Variants in NKAIN2 observed in about 807,000 individuals in gnomAD.
The protein encoded by NKAIN2 is sodium/potassium transporting ATPase interacting 2.
Under a neutral mutation model 32.6 loss-of-function variants are expected in NKAIN2, and 14 were observed. That is an observed-to-expected ratio of 0.43 (90% CI 0.28 to 0.67). The LOEUF (loss-of-function observed/expected upper bound fraction) is 0.67. NKAIN2 is among the 30% of genes least tolerant of loss of function. NKAIN2 has a pLI of 0.17. For missense variants in NKAIN2, 198 were observed against 258.3 expected, an observed-to-expected ratio of 0.77 and a Z score of 1.60; for synonymous variants, 80 against 87.2, an observed-to-expected ratio of 0.92 and a Z score of 0.46.
chr6:124,406,204 A>C (rs936984990), intron 3 of NKAIN2, among the ~76,000 whole-genome samples: 1 of 152,088 alleles, frequency 6.6e-6, no homozygotes, highest in African/African-American at 2.4e-5. Flanking sequence ...ATTTCTACAT[A>C]TGCCTTTATA....
At chr6:124,449,796 G>T (rs1194463792) in intron 3 of NKAIN2, among the ~76,000 whole-genome samples, 1 of 152,094 alleles carries the variant, frequency 6.6e-6, no homozygotes, top group African/African-American at 2.4e-5. Context: ...AGTCGTGATG[G>T]TTTGGAATAC....
intron 3 of NKAIN2, among the ~76,000 whole-genome samples, chr6:124,407,227 G>T (rs999865626): frequency 1.3e-4 from 19 of 151,702 alleles, no homozygotes; most frequent in Admixed American, 2.6e-4. Flanking sequence ...TAAGTTTTAG[G>T]GTACATGTGC....
At chr6:124,418,067 A>C (rs1386748320) in intron 3 of NKAIN2, among the ~76,000 whole-genome samples, 1 of 152,130 alleles carries the variant, frequency 6.6e-6, no homozygotes, top group Non-Finnish European at 1.5e-5. Flanking sequence ...AAAGTTCAGC[A>C]GCTTGAGAGA....
intron 4 of NKAIN2, among the ~76,000 whole-genome samples, chr6:124,768,234 T>C (rs961990595): frequency 1.3e-5 from 2 of 152,182 alleles, no homozygotes; most frequent in African/African-American, 4.8e-5. Flanking sequence ...TACTGTAATG[T>C]GTGAAAGTAT....
rs1793409793 is a variant in NKAIN2, at chr6:124,246,543, T to C, written c.55-36462T>C. Among the ~76,000 whole-genome samples, 5 of 152,196 alleles carry C rather than the reference T, an allele frequency of 3.3e-5. No homozygotes were observed. The South Asian group carries it at 6.2e-4, about 19-fold the overall frequency. ...TTTATGGTCTGGTTGTCTTAAAAGT[T>C]TTATGACCTATTTTGGGAGGAGTTG... On this transcript the variant is annotated intron_variant, in intron 1 of 6. Coordinates refer to ENST00000368417, the MANE Select transcript of NKAIN2 (RefSeq NM_001040214.3).
intron 3 of NKAIN2, among the ~76,000 whole-genome samples, chr6:124,457,757 A>G (rs1207825847): frequency 1.3e-5 from 2 of 151,870 alleles, no homozygotes; most frequent in African/African-American, 4.8e-5. Context: ...TCAAAGTGTT[A>G]TTACTTCCAT....
At position 124,739,568 on chromosome 6, in the gene NKAIN2, A is replaced by G. The variant is rs1423283918; in HGVS notation, c.475-51771A>G. 5.3e-5 allele frequency among the ~76,000 whole-genome samples: 8 copies of G among 151,850 alleles called. No homozygotes were observed. In the East Asian group the frequency reaches 1.6e-3, roughly 30 times the overall value. On this transcript the variant is annotated intron_variant, in intron 4 of 6. Coordinates refer to ENST00000368417, the MANE Select transcript of NKAIN2 (RefSeq NM_001040214.3). ...TAAAGATTGGAGCCAGCTCAAGGTT[A>G]CGTAGTCTGTTATCATTGTAGCATG...
intron 3 of NKAIN2, among the ~76,000 whole-genome samples, chr6:124,385,826 C>G (rs1266480465): frequency 6.6e-6 from 1 of 152,074 alleles, no homozygotes; most frequent in Non-Finnish European, 1.5e-5. Flanking sequence ...AAATCTTCCA[C>G]TGATACATGT....
At chr6:124,232,147 C>CA (rs1268854444) in intron 1 of NKAIN2, among the ~76,000 whole-genome samples, 3 of 152,120 alleles carry the variant, frequency 2.0e-5, no homozygotes, top group Non-Finnish European at 4.4e-5. Flanking sequence ...CTAGGCATGC[C>CA]AACCACGGGG....
At chr6:124,640,394 G>A (rs1783940174) in intron 3 of NKAIN2, among the ~76,000 whole-genome samples, 1 of 152,106 alleles carries the variant, frequency 6.6e-6, no homozygotes, top group Non-Finnish European at 1.5e-5. Flanking sequence ...GTTCTTAAAT[G>A]GCAGTAATAT....
intron 3 of NKAIN2, among the ~76,000 whole-genome samples, chr6:124,435,857 A>G (rs1775419549): frequency 6.6e-6 from 1 of 152,310 alleles, no homozygotes; most frequent in African/African-American, 2.4e-5. Flanking sequence ...GTCCAAACAG[A>G]CACAGTATTA....
At chr6:124,644,939 G>T (rs1035321780) in intron 3 of NKAIN2, among the ~76,000 whole-genome samples, 1 of 152,150 alleles carries the variant, frequency 6.6e-6, no homozygotes, top group African/African-American at 2.4e-5. Context: ...CATTGAATAT[G>T]TGCACATACA....
intron 3 of NKAIN2, among the ~76,000 whole-genome samples, chr6:124,605,368 A>T (rs1366540200): frequency 6.6e-6 from 1 of 152,052 alleles, no homozygotes. Context: ...AAAAGATACA[A>T]AGTATATGAC....
intron 1 of NKAIN2, among the ~76,000 whole-genome samples, chr6:124,035,035 A>G (rs913079584): frequency 2.0e-5 from 3 of 152,092 alleles, no homozygotes. Flanking sequence ...TGGACCTCAT[A>G]TAGTAACTAC....
chr6:124,578,193 T>C (rs1401510092), intron 3 of NKAIN2, among the ~76,000 whole-genome samples: 2 of 150,962 alleles, frequency 1.3e-5, no homozygotes, highest in Non-Finnish European at 3.0e-5. Flanking sequence ...GAGGGAAGAG[T>C]GAAGGAGACT....
intron 3 of NKAIN2, among the ~76,000 whole-genome samples, chr6:124,630,736 T>TA (rs1158241314): frequency 2.6e-5 from 4 of 152,010 alleles, no homozygotes; most frequent in Non-Finnish European, 4.4e-5. Flanking sequence ...CATCTCTCTT[T>TA]ATGGAAAATG....
At chr6:124,807,649 C>A (rs552190290) in intron 5 of NKAIN2, among the ~76,000 whole-genome samples, 2 of 148,266 alleles carry the variant, frequency 1.3e-5, no homozygotes, top group African/African-American at 2.5e-5. Flanking sequence ...CAGAGCAGAA[C>A]TGAAGGAAAT....
chr6:124,611,524 C>T (rs555601857), intron 3 of NKAIN2, among the ~76,000 whole-genome samples: 31 of 152,198 alleles, frequency 2.0e-4, no homozygotes, highest in Middle Eastern at 3.4e-3. Context: ...GCTCTCCCTT[C>T]GCTTGCCCCC....
chr6:124,487,118 CA>C (rs1777684333), intron 3 of NKAIN2, among the ~76,000 whole-genome samples: 1 of 152,054 alleles, frequency 6.6e-6, no homozygotes, highest in Admixed American at 6.6e-5. Flanking sequence ...ACTTAATGTC[CA>C]TTTTCATTAA....
Sources: allele counts gnomAD v4.1 joint callset (sites outside exome capture counted in the v4.1 genomes callset), GRCh38; gene constraint gnomAD v4.1.1; transcripts MANE v1.5; gene names NCBI Gene and HGNC (gene_info 2026-07-23, HGNC 2026-07-21).